The following MAML3 variants were observed in gnomAD, a reference collection of about 807,000 sequenced individuals.
MAML3 encodes the protein mastermind like transcriptional coactivator 3.
A neutral mutation model predicts 101.9 loss-of-function variants in MAML3; 27 were observed. The ratio of observed to expected loss-of-function variants is 0.27; its 90% CI spans 0.20 to 0.37. The LOEUF (loss-of-function observed/expected upper bound fraction) is 0.37, where lower values mean the gene tolerates loss of function less well. Ranked by LOEUF, MAML3 falls within the 10% of genes least tolerant of loss-of-function variation. The probability of loss-of-function intolerance (pLI) is 1.00; values close to 1 mark genes in which losing one functional copy is unlikely to be tolerated. For synonymous variants in MAML3, 501 were observed against 555.9 expected, an observed-to-expected ratio of 0.90 and a Z score of 1.39; for missense variants, 1,316 against 1,444.9, an observed-to-expected ratio of 0.91 and a Z score of 1.45.
chr4:139,909,929 T>C (rs2111222392), intron 1 of MAML3, among the ~76,000 whole-genome samples: 1 of 149,586 alleles, frequency 6.7e-6, no homozygotes, highest in African/African-American at 2.5e-5. Flanking sequence ...AGCACAGAAG[T>C]TCCCTAAGAA....
intron 2 of MAML3, among the ~76,000 whole-genome samples, chr4:139,832,452 A>C (rs758339699): frequency 6.6e-5 from 10 of 152,032 alleles, no homozygotes; most frequent in Non-Finnish European, 1.5e-4. Context: ...TCAAATGTGC[A>C]GGAAGCTTGA....
intron 1 of MAML3, among the ~76,000 whole-genome samples, chr4:140,093,966 A>G (rs1009907583): frequency 5.9e-5 from 9 of 152,208 alleles, no homozygotes; most frequent in African/African-American, 2.2e-4. Context: ...TTGGAGCCCC[A>G]GTAACCACAG....
chr4:140,065,262 AG>A (rs1727515237), intron 1 of MAML3, among the ~76,000 whole-genome samples: 1 of 152,008 alleles, frequency 6.6e-6, no homozygotes, highest in Non-Finnish European at 1.5e-5. Context: ...TTGAACACTC[AG>A]TTGTATTTGG....
intron 2 of MAML3, among the ~76,000 whole-genome samples, chr4:139,885,787 G>C (rs890709325): frequency 2.7e-5 from 4 of 146,768 alleles, no homozygotes; most frequent in South Asian, 4.4e-4. Flanking sequence ...AAAAAAATTA[G>C]CCAGGCGTGC....
At chr4:139,926,471 G>A (rs1328976340) in intron 1 of MAML3, among the ~76,000 whole-genome samples, 1 of 152,134 alleles carries the variant, frequency 6.6e-6, no homozygotes, top group Non-Finnish European at 1.5e-5. Flanking sequence ...ATGGTGGCGG[G>A]AGCCTGTAGT....
chr4:139,771,242 T>C (rs1325245265), intron 2 of MAML3, among the ~76,000 whole-genome samples: 1 of 152,236 alleles, frequency 6.6e-6, no homozygotes, highest in Non-Finnish European at 1.5e-5. Flanking sequence ...GTATAGACTG[T>C]ACACTGTTCT....
At chr4:139,744,075 C>A (rs899051237) in intron 2 of MAML3, among the ~76,000 whole-genome samples, 1 of 152,152 alleles carries the variant, frequency 6.6e-6, no homozygotes, top group Admixed American at 6.5e-5. Flanking sequence ...CAAATATATC[C>A]TGTAGTCAGA....
intron 2 of MAML3, among the ~76,000 whole-genome samples, chr4:139,804,995 A>G (rs1002045880): frequency 6.6e-6 from 1 of 152,192 alleles, no homozygotes; most frequent in African/African-American, 2.4e-5. Context: ...CCTGGCCAAC[A>G]TGGCGAAAAC....
At chr4:139,786,511 G>A (rs763999938) in intron 2 of MAML3, among the ~76,000 whole-genome samples, 4 of 152,220 alleles carry the variant, frequency 2.6e-5, no homozygotes, top group African/African-American at 7.2e-5. Context: ...CTAAATACCT[G>A]TAAAAGTGTG....
In MAML3 at chr4:139,777,162, C is replaced by T. The variant is rs998170442; in HGVS notation, c.2080-46495G>A. Among the ~76,000 whole-genome samples, 7 of 152,146 alleles carry T rather than the reference C, an allele frequency of 4.6e-5. No individual in the cohort carries two copies. The East Asian group carries it at 1.3e-3, about 29-fold the overall frequency. On this transcript the variant is annotated intron_variant, in intron 2 of 4. Transcript: ENST00000509479. ...CTGGAAAAGCTGACGGTTCTTCAGA[C>T]AGAAGGAAGAACTTATGGAAAGGCA...
At chr4:140,109,103 T>C (rs1031440480) in intron 1 of MAML3, among the ~76,000 whole-genome samples, 1 of 152,186 alleles carries the variant, frequency 6.6e-6, no homozygotes, top group Admixed American at 6.5e-5. Context: ...GTCTCAACAT[T>C]TGAAGGTTTC....
chr4:139,856,041 T>G (rs35467301), intron 2 of MAML3, among the ~76,000 whole-genome samples: 174 of 152,336 alleles, frequency 1.1e-3, no homozygotes, highest in Non-Finnish European at 2.0e-3. Context: ...ACCAGGACTC[T>G]AGCTCATTCC....
chr4:140,108,192 G>C (rs1728383371), intron 1 of MAML3, among the ~76,000 whole-genome samples: 1 of 152,006 alleles, frequency 6.6e-6, no homozygotes, highest in Middle Eastern at 3.4e-3. Flanking sequence ...ATTGTTCTAT[G>C]TCTCTACTCA....
chr4:139,758,377 A>G (rs556465371), intron 2 of MAML3, among the ~76,000 whole-genome samples: 3 of 152,202 alleles, frequency 2.0e-5, no homozygotes, highest in Non-Finnish European at 4.4e-5. Context: ...GAATCTGAAT[A>G]TATCTTTTAA....
At chr4:139,852,409 T>TG (rs1422878544) in intron 2 of MAML3, among the ~76,000 whole-genome samples, 2 of 125,420 alleles carry the variant, frequency 1.6e-5, no homozygotes, top group Admixed American at 1.5e-4. Flanking sequence ...GACTGTTTTT[T>TG]TTTTTTTTTT....
At chr4:139,725,239 C>G (rs979249006) in intron 4 of MAML3, among the ~76,000 whole-genome samples, 1 of 152,180 alleles carries the variant, frequency 6.6e-6, no homozygotes, top group Non-Finnish European at 1.5e-5. Flanking sequence ...CTTCTACATT[C>G]AAAAGAGACT....
chr4:140,092,768 C>A (rs1161171623), intron 1 of MAML3, among the ~76,000 whole-genome samples: 1 of 152,150 alleles, frequency 6.6e-6, no homozygotes, highest in Non-Finnish European at 1.5e-5. Context: ...AAGGTATTCT[C>A]CTATCGCAGA....
At chr4:140,014,367 G>A (rs1181895045) in intron 1 of MAML3, among the ~76,000 whole-genome samples, 1 of 152,246 alleles carries the variant, frequency 6.6e-6, no homozygotes, top group Non-Finnish European at 1.5e-5. Context: ...TCATCAAAGT[G>A]GGAGGGGCTG....
intron 1 of MAML3, among the ~76,000 whole-genome samples, chr4:139,929,156 G>A (rs1419891345): frequency 6.6e-6 from 1 of 152,186 alleles, no homozygotes; most frequent in African/African-American, 2.4e-5. Flanking sequence ...TCGCTTCCCT[G>A]TGACTATTTC....
Sources: allele counts gnomAD v4.1 joint callset (sites outside exome capture counted in the v4.1 genomes callset), GRCh38; gene constraint gnomAD v4.1.1; transcripts MANE v1.5; gene names NCBI Gene and HGNC (gene_info 2026-07-23, HGNC 2026-07-21).